The following MYH8 variants were observed in gnomAD, a reference collection of about 807,000 sequenced individuals.
MYH8 encodes myosin-8.
In MYH8, 168 loss-of-function variants were observed where a neutral mutation model predicts 233.2. That is an observed-to-expected ratio of 0.72 (90% CI 0.64 to 0.82). The LOEUF (loss-of-function observed/expected upper bound fraction) is 0.82. Ranked by LOEUF, MYH8 falls within the 40% of genes least tolerant of loss-of-function variation. MYH8 has a pLI of 0.00. For missense variants in MYH8, 1,995 were observed against 2,327.8 expected (o/e 0.86, Z 2.94); for synonymous variants, 785 against 850.6 (o/e 0.92, Z 1.34).
rs1368716700 is a variant in MYH8 at position 10,397,127 on chromosome 17, A to G, written c.4179-141T>C. 4 of 1,045,632 alleles carry G rather than the reference A, an allele frequency of 3.8e-6. No homozygotes were observed. The Admixed American group carries it at 6.7e-5, about 17-fold the overall frequency. 64.8% of individuals were successfully genotyped at this position (1,045,632 alleles called of 1,614,324 possible). ...GAGACGGAGTCTCGCTCTGTCGCCC[A>G]TGCTGGAGTGCAGTGGTGCAATCTC... On this transcript the variant is annotated intron_variant, in intron 30 of 39. Coordinates refer to ENST00000403437, the MANE Select transcript of MYH8 (RefSeq NM_002472.3).
At position 10,395,456 on chromosome 17, in the gene MYH8, G is replaced by A; in HGVS notation, c.4654-15C>T. On this transcript the variant is annotated splice_polypyrimidine_tract_variant and intron_variant, in intron 33 of 39. Transcript: ENST00000403437. Reference sequence around the variant, plus strand: ...TCAAGAGATGCCTTAACAAAACAGTGATCAATTAATAATGGAGAAGAACCT... The same window carrying A: ...TCAAGAGATGCCTTAACAAAACAGTAATCAATTAATAATGGAGAAGAACCT... The A allele has an allele frequency of 6.2e-7, 1 of 1,613,260 alleles. No individual in the cohort carries two copies. The highest frequency in any genetic ancestry group is 1.1e-5 in the South Asian group (1 of 91,056).
chr17:10,396,571 CTCT>C lies in MYH8; in HGVS notation c.4507_4509del (p.Arg1503del). 1 of 1,614,106 alleles carries C rather than the reference CTCT, an allele frequency of 6.2e-7. No homozygotes were observed. On this transcript the variant is annotated inframe_deletion, in exon 32 of 40. Transcript: ENST00000403437. This position sits in a 1 kb window ranked among gnomAD's most constrained non-coding sequence, Gnocchi z 4.2. ...GACTCACGTTGCAAGTTCTTATTTT[CTCT>C]TCTTAGCGTTTCGAGTTGATCCAGG...
At chr17:10,393,726 G>A (rs989752088) in intron 35 of MYH8, among the ~76,000 whole-genome samples, 12 of 152,082 alleles carry the variant, frequency 7.9e-5, no homozygotes, top group Non-Finnish European at 1.6e-4. Context: ...AAATGTTTAG[G>A]GGCAGATATT....
Position 10,401,123 on chromosome 17 carries a change from C to G in MYH8, c.3177G>C (p.Glu1059Asp). ...ATTCTTGGGCCAATTTGAGGTCACC[C>G]TCCAGTTTCCGCTTTGCTCTTTCTA... ...MDLERAKRKL[E>D]GDLKLAQEST... Residue 1059 changes from glutamate (E) to aspartate (D), a missense_variant, in exon 25 of 40, where the codon GAG becomes GAC. This residue lies in a region of MYH8 where 1,498 missense variants were observed against 1,680.9 expected (regional missense o/e 0.89). Transcript: ENST00000403437. The G allele has an allele frequency of 6.2e-7, 1 of 1,614,146 alleles. No homozygotes were observed. The highest frequency in any genetic ancestry group is 8.5e-7 in the Non-Finnish European group (1 of 1,180,024).
intron 33 of MYH8, among the ~76,000 whole-genome samples, chr17:10,395,829 A>G (rs1408987603): frequency 6.6e-6 from 1 of 152,120 alleles, no homozygotes; most frequent in African/African-American, 2.4e-5. Context: ...ATAAATGTTC[A>G]TTGTATAATG....
At chr17:10,410,523 A>G (rs891407911) in intron 15 of MYH8, among the ~76,000 whole-genome samples, 2 of 152,234 alleles carry the variant, frequency 1.3e-5, no homozygotes, top group African/African-American at 4.8e-5. Context: ...AACATCTCAA[A>G]TAGAGTTTTC....
At position 10,420,086 on chromosome 17, in the gene MYH8, A is replaced by T; in HGVS notation, c.142T>A (p.Ser48Thr). The T allele has an allele frequency of 6.2e-7, 1 of 1,614,186 alleles. No individual in the cohort carries two copies. The highest frequency in any genetic ancestry group is 8.5e-7 in the Non-Finnish European group (1 of 1,180,032). ...TSVFVAEPKESYVKSTIQSKE... is the reference protein window; with the variant it reads ...TSVFVAEPKETYVKSTIQSKE... ...CTTTGTATAGTGCTCTTCACATAGG[A>T]TTCCTTGGGCTCCGCCACAAAGACA... The change falls in exon 3 of 40, where the codon TCC becomes ACC. Residue 48 changes from serine to threonine, a missense_variant. By Grantham distance (58) the Ser-to-Thr change is moderately conservative (BLOSUM62 1). This residue lies in a region of MYH8 where 479 missense variants were observed against 600.9 expected (regional missense o/e 0.80). Transcript: ENST00000403437.
intron 2 of MYH8, 60 bp from the exon 3 acceptor site, chr17:10,420,317 A>G: frequency 7.0e-7 from 1 of 1,432,924 alleles, no homozygotes; most frequent in South Asian, 1.2e-5. Context: ...AATGTGAGTT[A>G]GGATTTGAAA....
chr17:10,396,397 A>C lies in MYH8; in HGVS notation c.4586T>G (p.Leu1529Trp), dbSNP rs1220822681. Reference sequence around the variant, plus strand: ...TTCTACTTGCTTCTTTATTTTCTCCAATTCATGAATTTGCTTTCCTCCCTC... The same window carrying C: ...TTCTACTTGCTTCTTTATTTTCTCCCATTCATGAATTTGCTTTCCTCCCTC... ...IAEGGKQIHELEKIKKQVEQE... is the reference protein window; with the variant it reads ...IAEGGKQIHEWEKIKKQVEQE... Residue 1529 changes from leucine to tryptophan, a missense_variant, in exon 33 of 40, where the codon TTG becomes TGG. Leu to Trp is a moderately conservative substitution (Grantham distance 61). This residue lies in a region of MYH8 where 1,498 missense variants were observed against 1,680.9 expected (regional missense o/e 0.89). Coordinates refer to ENST00000403437, the MANE Select transcript of MYH8 (RefSeq NM_002472.3). This position sits in a 1 kb window ranked among gnomAD's most constrained non-coding sequence, Gnocchi z 4.2. The C allele has an allele frequency of 1.9e-6, 3 of 1,613,858 alleles. 1 individual carries two copies. In the South Asian group the frequency reaches 3.3e-5, roughly 18 times the overall value.
rs577510735 is a variant in MYH8, at chr17:10,392,964, T to C, written c.5330A>G (p.Asp1777Gly). The C allele has an allele frequency of 6.2e-7, 1 of 1,614,204 alleles. No individual in the cohort carries two copies. The highest frequency in any genetic ancestry group is 2.2e-5 in the East Asian group (1 of 44,876). The change falls in exon 37 of 40, where the codon GAC (aspartate) becomes GGC (glycine). Residue 1777 changes from aspartate (D) to glycine (G), a missense_variant. Around this residue, in one of 3 missense-constraint regions of MYH8, gnomAD observed 1,498 missense variants for 1,680.9 expected, o/e 0.89. Transcript: ENST00000403437. ...CATCCGCTCCAGGTGGGCGCTGGTG[T>C]CCTGTTCCTTCTTCAGCTCCTCAGC... is the stretch of plus-strand genomic sequence containing the variant. ...MMAEELKKEQDTSAHLERMKK... is the reference protein window; with the variant it reads ...MMAEELKKEQGTSAHLERMKK...
Position 10,420,180 on chromosome 17 carries a change from A to C in MYH8, c.48T>G (p.Ala16=). Residue 16 remains alanine (A), a synonymous_variant, in exon 3 of 40, where the codon GCT becomes GCG. Transcript: ENST00000403437. The part of the protein sequence containing the change: ...DAEMAVFGEA[A]PYLRKSEKER... ...CCTTTTCTGATTTTCGAAGGTAGGG[A>C]GCAGCTTCGCCAAAAACAGCCATCT... The C allele has an allele frequency of 6.2e-7, 1 of 1,613,938 alleles. No individual in the cohort carries two copies. The highest frequency in any genetic ancestry group is 1.1e-5 in the South Asian group (1 of 91,070).
At position 10,420,009 on chromosome 17, in the gene MYH8, T is replaced by C; in HGVS notation, c.210+9A>G. 1 of 1,613,502 alleles carries C rather than the reference T, an allele frequency of 6.2e-7. No homozygotes were observed. Among genetic ancestry groups the C allele is most frequent in the Non-Finnish European group, 8.5e-7 (1 of 1,179,482 alleles). On this transcript the variant is annotated intron_variant, in intron 3 of 39. Transcript: ENST00000403437. ...AAATGGGGAGTATTTTCTCCCTGTT[T>C]TCACTTACTGCTCCACCTTCAGTCT...
chr17:10,404,676 G>T, intron 21 of MYH8, 91 bp from the exon 22 acceptor site: 1 of 1,454,254 alleles, frequency 6.9e-7, no homozygotes, highest in Non-Finnish European at 9.5e-7. Flanking sequence ...TTTAATGAAT[G>T]CCGCTCACAA....
intron 5 of MYH8, among the ~76,000 whole-genome samples, chr17:10,418,017 G>C (rs963648122): frequency 2.6e-5 from 4 of 152,186 alleles, no homozygotes; most frequent in Non-Finnish European, 5.9e-5. Context: ...CCTATAATGC[G>C]TATCAAAGCT....
chr17:10,403,745 A>T (rs1258130128), intron 22 of MYH8, among the ~76,000 whole-genome samples: 1 of 152,084 alleles, frequency 6.6e-6, no homozygotes, highest in African/African-American at 2.4e-5. Flanking sequence ...CCTTTGACCA[A>T]AGTGTTCATG....
chr17:10,406,673 C>T lies in MYH8; in HGVS notation c.2171+17G>A, dbSNP rs375796471. ...ACTAATTCACAGTGTTAATGAAATACATCAAAGAAGACTGACCTTTGTTTG... is the reference window on the plus strand; with the variant it reads ...ACTAATTCACAGTGTTAATGAAATATATCAAAGAAGACTGACCTTTGTTTG... On this transcript the variant is annotated intron_variant, in intron 19 of 39. Transcript: ENST00000403437. 9.5e-5 allele frequency: 151 copies of T among 1,592,704 alleles called. No homozygotes were observed. The African/African-American group carries it at 1.9e-3, about 20-fold the overall frequency.
rs1331363277 is a variant in MYH8, at chr17:10,414,235, G to A, written c.965C>T (p.Thr322Ile). 13 of 1,614,192 alleles carry A rather than the reference G, an allele frequency of 8.1e-6. No homozygotes were observed. The highest frequency in any genetic ancestry group is 1.1e-5 in the Non-Finnish European group (13 of 1,180,014). The change falls in exon 11 of 40, where the codon ACA becomes ATA. Residue 322 changes from threonine to isoleucine, a missense_variant. Coordinates refer to ENST00000403437, the MANE Select transcript of MYH8 (RefSeq NM_002472.3). ...DYAFVSQGEI[T>I]VPSIDDQEEL... ...TTCTTGGTCATCAATACTGGGAACTGTGATCTCCCCCTGACTGACGAAGGC... is the reference window on the plus strand; with the variant it reads ...TTCTTGGTCATCAATACTGGGAACTATGATCTCCCCCTGACTGACGAAGGC...
chr17:10,401,919 G>T (rs1024259771), intron 22 of MYH8, 134 bp from the exon 23 acceptor site: 31 of 1,272,930 alleles, frequency 2.4e-5, no homozygotes, highest in Admixed American at 1.6e-4. Flanking sequence ...TAATTTAATC[G>T]AACATTATTA....
chr17:10,418,925 A>G lies in MYH8; in HGVS notation c.316T>C (p.Tyr106His), dbSNP rs1232271318. ...MTHLHEPGVL[Y>H]NLKERYAAWM... ...GCTGCATAGCGCTCTTTGAGGTTGT[A>G]CAGCACTCCAGGCTCGTGTAGATGA... The change falls in exon 4 of 40, where the codon TAC (tyrosine) becomes CAC (histidine). Residue 106 changes from tyrosine (Y) to histidine (H), a missense_variant. Coordinates refer to ENST00000403437, the MANE Select transcript of MYH8 (RefSeq NM_002472.3). The G allele has an allele frequency of 1.2e-6, 2 of 1,614,186 alleles. No homozygotes were observed. Among genetic ancestry groups the G allele is most frequent in the Non-Finnish European group, 1.7e-6 (2 of 1,180,012 alleles).
Sources: gnomAD v4.1 joint callset for allele counts (sites outside exome capture counted in the v4.1 genomes callset) on GRCh38, gnomAD v4.1.1 for gene constraint, gnomAD v4.1.1 regional missense constraint, Gnocchi (gnomAD v3.1) non-coding constraint, MANE v1.5 for transcripts, NCBI Gene and HGNC (gene_info 2026-07-23, HGNC 2026-07-21) for gene names.